The following ZFHX2 variants were observed in gnomAD, a reference collection of about 807,000 sequenced individuals.
ZFHX2 encodes zinc finger homeobox protein 2.
A neutral mutation model predicts 164.8 loss-of-function variants in ZFHX2; 75 were observed. That is an observed-to-expected ratio of 0.46 (90% CI 0.38 to 0.55). ZFHX2 has a LOEUF of 0.55. ZFHX2 is among the 20% of genes least tolerant of loss of function. ZFHX2 has a pLI of 0.00. For synonymous variants in ZFHX2, 1,217 were observed against 1,351.4 expected (o/e 0.90, Z 2.18); for missense variants, 2,933 against 3,308.0 (o/e 0.89, Z 2.78).
intron 1 of ZFHX2, among the ~76,000 whole-genome samples, chr14:23,544,832 G>A (rs140569470): frequency 1.4e-3 from 214 of 152,116 alleles, no homozygotes; most frequent in Middle Eastern, 3.4e-3. Context: ...CTTTCCCTCC[G>A]GCTCGCCATT....
At chr14:23,554,038 C>CAAAAA (rs61363455), upstream of ZFHX2, among the ~76,000 whole-genome samples, 2 of 36,036 alleles carry the variant, frequency 5.6e-5, no homozygotes, top group East Asian at 9.3e-4. Flanking sequence ...GACTCTGTCT[C>CAAAAA]AAAAAAAAAA....
intron 1 of ZFHX2, among the ~76,000 whole-genome samples, chr14:23,539,803 G>C (rs1880598344): frequency 6.6e-6 from 1 of 152,190 alleles, no homozygotes; most frequent in South Asian, 2.1e-4. Context: ...GTTACAGAGG[G>C]AATATCACCA....
In ZFHX2 at chr14:23,526,048, G is replaced by A. The variant is rs1423775465; in HGVS notation, c.3894C>T (p.Gly1298=). ...PERSQEEPKE[G]ETEGEVGTEK... ...CAGTGCCCACCTCCCCCTCTGTCTC[G>A]CCTTCCTTGGGCTCTTCTTGGCTGC... The change falls in exon 9 of 10, where the codon GGC becomes GGT. Residue 1298 remains glycine, a synonymous_variant. Coordinates refer to ENST00000419474, the MANE Select transcript of ZFHX2 (RefSeq NM_033400.3). 18 of 1,536,322 alleles carry A rather than the reference G, an allele frequency of 1.2e-5. No individual in the cohort carries two copies. Among genetic ancestry groups the A allele is most frequent in the South Asian group, 8.3e-5 (7 of 84,050 alleles).
Position 23,522,617 on chromosome 14 carries a change from C to A in ZFHX2, c.7064G>T (p.Gly2355Val). 6.5e-7 allele frequency: 1 copy of A among 1,532,414 alleles called. No homozygotes were observed. Among genetic ancestry groups the A allele is most frequent in the Non-Finnish European group, 8.7e-7 (1 of 1,144,332 alleles). The allele number at this position is 1,532,414 out of a possible 1,614,324, so 94.9% of individuals were successfully genotyped here. ...GCCAAAGACAGCTGGCGGTGCTGTT[C>A]CCCCAGCAGGGGGCAATGGAAAGGG... ...FLPFPLPPAG[G>V]TAPPAVFGPQ... The change falls in exon 10 of 10, where the codon GGA (glycine) becomes GTA (valine). Residue 2355 changes from glycine to valine, a missense_variant. Transcript: ENST00000419474.
intron 3 of ZFHX2, 56 bp downstream of exon 3, chr14:23,532,511 C>T: frequency 7.1e-7 from 1 of 1,415,844 alleles, no homozygotes. Context: ...TGCATCTCCT[C>T]CCTCTGTCCC....
At chr14:23,529,841 G>A (rs1879297363) in intron 5 of ZFHX2, 73 bp from the exon 6 acceptor site, 1 of 1,454,386 alleles carries the variant, frequency 6.9e-7, no homozygotes, top group African/African-American at 1.4e-5. Flanking sequence ...GAGCTTCCAG[G>A]GTAGGGAGTT....
chr14:23,539,175 G>A (rs1362771470), intron 1 of ZFHX2, among the ~76,000 whole-genome samples: 23 of 152,196 alleles, frequency 1.5e-4, no homozygotes, highest in Admixed American at 1.5e-3. Flanking sequence ...AGATGAAGAT[G>A]GAGAGAAAGG....
In ZFHX2 at chr14:23,533,387, AG is replaced by A; in HGVS notation, c.1938del (p.Leu647TrpfsTer6). 6.8e-7 allele frequency: 1 copy of A among 1,471,162 alleles called. No individual in the cohort carries two copies. Among genetic ancestry groups the A allele is most frequent in the Non-Finnish European group, 9.0e-7 (1 of 1,114,170 alleles). The allele number at this position is 1,471,162 out of a possible 1,614,324, so 91.1% of individuals were successfully genotyped here. On this transcript the variant is annotated frameshift_variant, in exon 2 of 10. Coordinates refer to ENST00000419474, the MANE Select transcript of ZFHX2 (RefSeq NM_033400.3). LOFTEE classifies it high-confidence loss of function. The surrounding 1 kb of genome is among the most constrained non-coding windows in gnomAD (Gnocchi z 4.8). ...GPQALGQPQTPLAGPGLRPDK... is the reference protein window; with the variant it reads ...GPQALGQPQTXLAGPGLRPDK... The stretch of plus-strand genomic sequence containing the variant: ...TCTGGCCTCAGCCCCGGGCCAGCCA[AG>A]GGAGTCTGAGGCTGCCCTAGGGCCT...
intron 1 of ZFHX2, among the ~76,000 whole-genome samples, chr14:23,549,486 A>G (rs1268860493): frequency 6.6e-6 from 1 of 152,204 alleles, no homozygotes. Flanking sequence ...TTCAGGCTAA[A>G]TGAACTTGGC....
chr14:23,525,146 C>T lies in ZFHX2; in HGVS notation c.4796G>A (p.Arg1599Lys), dbSNP rs1387295787. The change falls in exon 9 of 10, where the codon AGA becomes AAA. Residue 1599 changes from arginine to lysine, a missense_variant. Transcript: ENST00000419474. The surrounding 1 kb of genome is among the most constrained non-coding windows in gnomAD (Gnocchi z 5.9). ...GGTCTGGAACTCTGTGAACTTGGTT[C>T]TGGAGAACCGGCGGCCGGCAGGCAC... is the stretch of plus-strand genomic sequence containing the variant. Reference protein sequence around the residue: ...PLVPAGRRFSRTKFTEFQTQA... With the variant: ...PLVPAGRRFSKTKFTEFQTQA... 4 of 1,536,048 alleles carry T rather than the reference C, an allele frequency of 2.6e-6. No homozygotes were observed. The highest frequency in any genetic ancestry group is 2.7e-5 in the African/African-American group (2 of 73,062).
chr14:23,540,230 A>G lies in ZFHX2; in HGVS notation c.-49-4856T>C, dbSNP rs562578375. Among the ~76,000 whole-genome samples the G allele has an allele frequency of 1.7e-3, 266 of 152,282 alleles. 1 individual carries two copies. The highest frequency in any genetic ancestry group is 6.0e-3 in the African/African-American group (251 of 41,552). On this transcript the variant is annotated intron_variant, in intron 1 of 9. Coordinates refer to ENST00000419474, the MANE Select transcript of ZFHX2 (RefSeq NM_033400.3). ...GGTCTCAGATTCCTGGGCTAAAGCA[A>G]TCTGCCCGCTTTGGCCTCCCAAACT...
chr14:23,533,110 C>A lies in ZFHX2; in HGVS notation c.2042-26G>T. 1 of 1,487,700 alleles carries A rather than the reference C, an allele frequency of 6.7e-7. No individual in the cohort carries two copies. The allele number at this position is 1,487,700 out of a possible 1,614,324, so 92.2% of individuals were successfully genotyped here. ...CTAGAGGACAGAGACAGATTAGTGG[C>A]CCAAGAAAGAAATGGGGCACGGTTG... On this transcript the variant is annotated intron_variant, in intron 2 of 9. Coordinates refer to ENST00000419474, the MANE Select transcript of ZFHX2 (RefSeq NM_033400.3). This position sits in a 1 kb window ranked among gnomAD's most constrained non-coding sequence, Gnocchi z 4.8.
upstream of ZFHX2, among the ~76,000 whole-genome samples, chr14:23,553,425 C>A (rs777935154): frequency 4.6e-5 from 7 of 151,410 alleles, no homozygotes; most frequent in African/African-American, 1.7e-4. Flanking sequence ...CATGGTGAAA[C>A]CCTGTCTCTA....
Position 23,533,753 on chromosome 14 carries a change from T to C in ZFHX2, c.1573A>G (p.Ile525Val), listed in dbSNP as rs1358241580. 3.2e-6 allele frequency: 5 copies of C among 1,556,880 alleles called. No individual in the cohort carries two copies. The highest frequency in any genetic ancestry group is 2.7e-5 in the African/African-American group (2 of 73,568). ...AGGTGCTTGTCAGACTGCATATGGA[T>C]GCTGAGGTTGCCTTTGGTGGTTGTA... Reference protein sequence around the residue: ...YSTTTKGNLSIHMQSDKHLAN... With the variant: ...YSTTTKGNLSVHMQSDKHLAN... The change falls in exon 2 of 10, where the codon ATC (isoleucine) becomes GTC (valine). Residue 525 changes from isoleucine to valine, a missense_variant. Ile to Val is a conservative substitution (Grantham distance 29). Transcript: ENST00000419474. The surrounding 1 kb of genome is among the most constrained non-coding windows in gnomAD (Gnocchi z 4.8).
At chr14:23,537,353 A>C (rs1880289451) in intron 1 of ZFHX2, among the ~76,000 whole-genome samples, 1 of 151,884 alleles carries the variant, frequency 6.6e-6, no homozygotes. Context: ...TCGTATTAGC[A>C]GATCTCTAGT....
chr14:23,549,987 G>A lies in ZFHX2; in HGVS notation c.-50+1356C>T, dbSNP rs114875596. Among the ~76,000 whole-genome samples, 535 of 152,292 alleles carry A rather than the reference G, an allele frequency of 3.5e-3. 4 individuals carry two copies. The highest frequency in any genetic ancestry group is 0.012 in the African/African-American group (517 of 41,558). On this transcript the variant is annotated intron_variant, in intron 1 of 9. Coordinates refer to ENST00000419474, the MANE Select transcript of ZFHX2 (RefSeq NM_033400.3). ...AAAGGTGGAAACTCAGAGCTCATGG[G>A]AAACAGATGGAAAAAAGGGGTGAAG...
At position 23,521,902 on chromosome 14, in the gene ZFHX2, C is replaced by A; in HGVS notation, c.*60G>T. ...AGGGATTTGAGCTCCCACCGAACAC[C>A]CCTTGGGGTAAAAGAGGGAGCCCTG... On this transcript the variant is annotated 3_prime_UTR_variant, in exon 10 of 10. Transcript: ENST00000419474. 1.3e-6 allele frequency: 2 copies of A among 1,529,136 alleles called. No homozygotes were observed. The highest frequency in any genetic ancestry group is 1.7e-6 in the Non-Finnish European group (2 of 1,144,106). The allele number at this position is 1,529,136 out of a possible 1,614,324, so 94.7% of individuals were successfully genotyped here.
At chr14:23,536,123 G>A (rs1429389515) in intron 1 of ZFHX2, among the ~76,000 whole-genome samples, 1 of 152,188 alleles carries the variant, frequency 6.6e-6, no homozygotes, top group Non-Finnish European at 1.5e-5. Context: ...ACAGAAGGCA[G>A]GCCATTATCA....
At position 23,527,808 on chromosome 14, in the gene ZFHX2, G is replaced by T. The variant is rs1300356079; in HGVS notation, c.2935-4C>A. 3 of 1,535,612 alleles carry T rather than the reference G, an allele frequency of 2.0e-6. No individual in the cohort carries two copies. The highest frequency in any genetic ancestry group is 3.9e-5 in the Admixed American group (2 of 50,988). On this transcript the variant is annotated splice_region_variant and splice_polypyrimidine_tract_variant and intron_variant, in intron 6 of 9. Coordinates refer to ENST00000419474, the MANE Select transcript of ZFHX2 (RefSeq NM_033400.3). ...TGCAGTATGGACAGCAGTATACCTG[G>T]AGGGAACATATGGGCAGTGGACGAA...
Sources: allele counts gnomAD v4.1 joint callset (sites outside exome capture counted in the v4.1 genomes callset), GRCh38; gene constraint gnomAD v4.1.1; non-coding constraint Gnocchi (gnomAD v3.1); transcripts MANE v1.5; gene names NCBI Gene and HGNC (gene_info 2026-07-23, HGNC 2026-07-21).